Variants in RUNX1T1 observed in about 807,000 individuals in gnomAD.
The protein encoded by RUNX1T1 is RUNX1 partner transcriptional co-repressor 1, also known as protein CBFA2T1.
Under a neutral mutation model 62.8 loss-of-function variants are expected in RUNX1T1, and 4 were observed. That is an observed-to-expected ratio of 0.06 (90% CI 0.03 to 0.15). The LOEUF (loss-of-function observed/expected upper bound fraction) is 0.15, where lower values mean the gene tolerates loss of function less well. Among genes scored for constraint, RUNX1T1 ranks in the 10% least tolerant of loss-of-function variants. The probability of loss-of-function intolerance (pLI) is 1.00; values close to 1 mark genes in which losing one functional copy is unlikely to be tolerated. For missense variants in RUNX1T1, 508 were observed against 754.3 expected (o/e 0.67, Z 3.82); for synonymous variants, 291 against 286.0 (o/e 1.02, Z -0.18).
upstream of RUNX1T1, among the ~76,000 whole-genome samples, chr8:92,067,117 T>G (rs4623481): frequency 0.3 from 45,907 of 152,048 alleles, 9,045 homozygotes; most frequent in African/African-American, 0.57. Context: ...AGGTTAAAGG[T>G]TTATTTAGGG....
chr8:92,075,995 G>A lies in RUNX1T1; in HGVS notation c.58C>T (p.Arg20Trp), dbSNP rs143810922. The stretch of plus-strand genomic sequence containing the variant: ...CAATATTCAAAGTTCCCTTTTTTCC[G>A]GCAGTCACCTATTACTAAACTCAGT... The change falls in exon 2 of 12, where the codon CGG becomes TGG. Residue 20 changes from arginine (R) to tryptophan (W), a missense_variant. Arg to Trp is a moderately radical substitution (Grantham distance 101, BLOSUM62 -3). Coordinates refer to the RUNX1T1 transcript ENST00000265814. 42 of 1,607,872 alleles carry A rather than the reference G, an allele frequency of 2.6e-5. No individual in the cohort carries two copies. The African/African-American group carries it at 3.8e-4, about 14-fold the overall frequency.
At chr8:92,024,490 C>T (rs1435951749) in intron 1 of RUNX1T1, among the ~76,000 whole-genome samples, 4 of 119,426 alleles carry the variant, frequency 3.3e-5, no homozygotes, top group African/African-American at 1.4e-4. Context: ...AGAGTGAAAC[C>T]CCAACTCAAA....
intron 1 of RUNX1T1, among the ~76,000 whole-genome samples, chr8:92,043,529 G>A (rs1379257544): frequency 6.6e-6 from 1 of 151,494 alleles, no homozygotes; most frequent in African/African-American, 2.4e-5. Flanking sequence ...TAAAATAAAT[G>A]AAATAATAAA....
chr8:91,960,848 A>C (rs1355907342), intron 10 of RUNX1T1, among the ~76,000 whole-genome samples: 1 of 152,224 alleles, frequency 6.6e-6, no homozygotes, highest in Non-Finnish European at 1.5e-5. Context: ...ACTAGCAATT[A>C]CTATTTCCAA....
chr8:92,103,095 C>A (rs1808448171), upstream of RUNX1T1: 1 of 430,998 alleles, frequency 2.3e-6, no homozygotes, highest in Non-Finnish European at 3.9e-6. Context: ...TGCAAAAAGC[C>A]CGGGGTCGGG....
chr8:91,975,222 T>A (rs1223791737), intron 9 of RUNX1T1, among the ~76,000 whole-genome samples: 1 of 152,226 alleles, frequency 6.6e-6, no homozygotes, highest in East Asian at 1.9e-4. Context: ...CTGGACTTCT[T>A]TAAGCCCAAT....
At chr8:92,095,062 G>A in intron 1 of RUNX1T1, 1 of 1,535,584 alleles carries the variant, frequency 6.5e-7, no homozygotes, top group Non-Finnish European at 8.7e-7. Flanking sequence ...AGAGGTGATG[G>A]GAGATAGCGT....
At chr8:92,097,215 A>C (rs1837818866) in intron 1 of RUNX1T1, among the ~76,000 whole-genome samples, 1 of 152,162 alleles carries the variant, frequency 6.6e-6, no homozygotes, top group South Asian at 2.1e-4. Context: ...TTTCTCCATA[A>C]ATCTTCAAAA....
rs1173708104 is a variant in RUNX1T1 at position 92,098,578 on chromosome 8, C to CT, written c.-86+1001dup. Among the ~76,000 whole-genome samples, 8 of 152,070 alleles carry CT rather than the reference C, an allele frequency of 5.3e-5. No homozygotes were observed. In the East Asian group the frequency reaches 5.8e-4, roughly 11 times the overall value. Reference sequence around the variant, plus strand: ...TAACATCCATGTCTAAGTTGTTTGTCTTTTTTTTAATATCAAAGGTTAATG... The same window carrying CT: ...TAACATCCATGTCTAAGTTGTTTGTCTTTTTTTTTAATATCAAAGGTTAATG... On this transcript the variant is annotated intron_variant, in intron 1 of 11. Coordinates refer to the RUNX1T1 transcript ENST00000265814.
chr8:92,096,885 T>C (rs1338729243), intron 1 of RUNX1T1, among the ~76,000 whole-genome samples: 1 of 151,938 alleles, frequency 6.6e-6, no homozygotes, highest in Non-Finnish European at 1.5e-5. Flanking sequence ...CTTTAGAAAA[T>C]GAGGAGAAGC....
chr8:92,101,874 C>T (rs1024964118), upstream of RUNX1T1, among the ~76,000 whole-genome samples: 5 of 152,222 alleles, frequency 3.3e-5, no homozygotes, highest in Admixed American at 3.3e-4. Flanking sequence ...CCAACCAACC[C>T]GGTCCTTTCA....
At chr8:91,979,583 T>G (rs1814742784) in intron 8 of RUNX1T1, among the ~76,000 whole-genome samples, 1 of 151,614 alleles carries the variant, frequency 6.6e-6, no homozygotes, top group Admixed American at 6.6e-5. Flanking sequence ...TCTAGCTTGC[T>G]TTGGGATGCA....
At chr8:92,022,031 T>A (rs1824202307) in intron 1 of RUNX1T1, among the ~76,000 whole-genome samples, 1 of 151,752 alleles carries the variant, frequency 6.6e-6, no homozygotes, top group Non-Finnish European at 1.5e-5. Context: ...TTTTAACATT[T>A]ATCACAGCCC....
upstream of RUNX1T1, among the ~76,000 whole-genome samples, chr8:92,065,195 TAAAAG>T (rs1376589918): frequency 6.6e-6 from 1 of 151,978 alleles, no homozygotes; most frequent in Non-Finnish European, 1.5e-5. Flanking sequence ...AATAAATAAA[TAAAAG>T]GAGGATATGG....
chr8:92,092,061 A>AT (rs1490412805), intron 1 of RUNX1T1, among the ~76,000 whole-genome samples: 1 of 152,162 alleles, frequency 6.6e-6, no homozygotes, highest in Non-Finnish European at 1.5e-5. Context: ...CCCCAGACAA[A>AT]TTACTATAGC....
intron 8 of RUNX1T1, among the ~76,000 whole-genome samples, chr8:91,981,456 CCA>C (rs1041970629): frequency 1.0e-4 from 13 of 128,308 alleles, no homozygotes; most frequent in Non-Finnish European, 1.7e-4. Context: ...GCTCTGTCCT[CCA>C]GGCTGGAGTA....
chr8:91,998,648 C>G (rs1306344454), intron 5 of RUNX1T1, among the ~76,000 whole-genome samples: 1 of 152,216 alleles, frequency 6.6e-6, no homozygotes, highest in Non-Finnish European at 1.5e-5. Context: ...CTGAAGCTGA[C>G]CATCTGCTCA....
intron 1 of RUNX1T1, among the ~76,000 whole-genome samples, chr8:92,084,618 C>T (rs887183324): frequency 1.3e-5 from 2 of 152,140 alleles, no homozygotes; most frequent in African/African-American, 2.4e-5. Context: ...GTCTTACAAA[C>T]CAGCAGAGAA....
exon 1 of RUNX1T1, chr8:92,062,698 G>C: frequency 6.2e-7 from 1 of 1,609,508 alleles, no homozygotes; most frequent in Non-Finnish European, 8.5e-7. Context: ...GCAGGGTGCT[G>C]GGCGCGTGCG....
Sources: allele counts gnomAD v4.1 joint callset (sites outside exome capture counted in the v4.1 genomes callset), GRCh38; gene constraint gnomAD v4.1.1; transcripts MANE v1.5; gene names NCBI Gene and HGNC (gene_info 2026-07-23, HGNC 2026-07-21).